CFH: variants seen among roughly 807,000 people sequenced by gnomAD.
The protein encoded by CFH is H factor 1 (complement).
In CFH, 53 loss-of-function variants were observed where a neutral mutation model predicts 147.3. That is an observed-to-expected ratio of 0.36 (90% confidence interval 0.29 to 0.45). The LOEUF is 0.45. Ranked by LOEUF, CFH falls within the 20% of genes least tolerant of loss-of-function variation. CFH has a pLI of 1.00. For missense variants in CFH, 1,380 were observed against 1,498.0 expected, an observed-to-expected ratio of 0.92 and a Z score of 1.30; for synonymous variants, 536 against 489.4, an observed-to-expected ratio of 1.10 and a Z score of -1.26.
intron 12 of CFH, 120 bp downstream of exon 12, chr1:196,725,417 G>T: frequency 4.3e-6 from 4 of 928,224 alleles, no homozygotes; most frequent in Non-Finnish European, 6.9e-6. Context: ...TCAAATATTT[G>T]CCTGTGAAGG....
chr1:196,713,960 A>T, intron 10 of CFH, 43 bp downstream of exon 10: 1 of 1,545,410 alleles, frequency 6.5e-7, no homozygotes, highest in Non-Finnish European at 8.9e-7. Flanking sequence ...CAGATGATAC[A>T]CAAAAGTTTA....
At position 196,725,192 on chromosome 1, in the gene CFH, G is replaced by A; in HGVS notation, c.1768G>A (p.Gly590Arg). The change falls in exon 12 of 22, where the codon GGA becomes AGA. Residue 590 changes from glycine to arginine, a missense_variant. Gly to Arg is a moderately radical substitution (Grantham distance 125). Coordinates refer to ENST00000367429, the MANE Select transcript of CFH (RefSeq NM_000186.4). Reference protein sequence around the residue: ...PDRKKDQYKVGEVLKFSCKPG... With the variant: ...PDRKKDQYKVREVLKFSCKPG... ...TCGCAAGAAAGACCAGTATAAAGTT[G>A]GAGAGGTGTTGAAATTCTCCTGCAA... The A allele has an allele frequency of 6.2e-7, 1 of 1,613,824 alleles. No individual in the cohort carries two copies. Among genetic ancestry groups the A allele is most frequent in the Non-Finnish European group, 8.5e-7 (1 of 1,179,792 alleles).
intron 15 of CFH, among the ~76,000 whole-genome samples, chr1:196,732,076 TGTATC>T (rs1339786853): frequency 3.9e-5 from 6 of 152,098 alleles, no homozygotes; most frequent in Non-Finnish European, 8.8e-5. Flanking sequence ...ATATATTTTC[TGTATC>T]GTTGTGTTTC....
chr1:196,691,222 A>G (rs1414394477), intron 9 of CFH, among the ~76,000 whole-genome samples: 1 of 152,130 alleles, frequency 6.6e-6, no homozygotes, highest in Non-Finnish European at 1.5e-5. Context: ...TTTAAAATAG[A>G]AAGTAAATAC....
intron 17 of CFH, among the ~76,000 whole-genome samples, chr1:196,739,815 T>C (rs1249952641): frequency 6.6e-6 from 1 of 152,208 alleles, no homozygotes; most frequent in Non-Finnish European, 1.5e-5. Flanking sequence ...CCCTACTCTC[T>C]GCAGTACCAA....
rs146095936 is a variant in CFH, at chr1:196,687,217, A to G, written c.964+1980A>G. ...TTTAAGATCTGTTTGAGCCAACTTT[A>G]TGATGGAAACACCATAAATGCTGTG... On this transcript the variant is annotated intron_variant, in intron 7 of 21. Transcript: ENST00000367429. Among the ~76,000 whole-genome samples, 212 of 152,198 alleles carry G rather than the reference A, an allele frequency of 1.4e-3. 1 individual carries two copies. Among genetic ancestry groups the G allele is most frequent in the African/African-American group, 4.9e-3 (204 of 41,562 alleles).
intron 15 of CFH, among the ~76,000 whole-genome samples, chr1:196,730,696 T>C (rs541142790): frequency 6.6e-6 from 1 of 151,966 alleles, no homozygotes; most frequent in South Asian, 2.1e-4. Flanking sequence ...CTACTATTAC[T>C]GTGTTGCAGT....
At chr1:196,705,003 C>T (rs1040186398) in intron 9 of CFH, among the ~76,000 whole-genome samples, 1 of 152,188 alleles carries the variant, frequency 6.6e-6, no homozygotes, top group African/African-American at 2.4e-5. Context: ...AAGACTCTGA[C>T]ACTAAAGCTA....
chr1:196,692,802 C>CTT (rs775578724), intron 9 of CFH, among the ~76,000 whole-genome samples: 33 of 50,790 alleles, frequency 6.5e-4, no homozygotes, highest in South Asian at 1.4e-3. Context: ...TTCTTTCTTT[C>CTT]TTTCTTTCTT....
At chr1:196,654,468 G>T (rs1018992222) in intron 1 of CFH, among the ~76,000 whole-genome samples, 3 of 152,068 alleles carry the variant, frequency 2.0e-5, no homozygotes, top group African/African-American at 7.2e-5. Context: ...GGGGGTCACT[G>T]CAGGCTACTA....
In CFH at chr1:196,655,560, A is replaced by C. The variant is rs140194005; in HGVS notation, c.58+3385A>C. 2.8e-3 allele frequency among the ~76,000 whole-genome samples: 434 copies of C among 152,282 alleles called. 2 individuals are homozygous for C. Among genetic ancestry groups the C allele is most frequent in the African/African-American group, 1.0e-2 (415 of 41,550 alleles). On this transcript the variant is annotated intron_variant, in intron 1 of 21. Coordinates refer to ENST00000367429, the MANE Select transcript of CFH (RefSeq NM_000186.4). ...CTTCATGTGTGGCCTTTGGTTTCTA[A>C]GATCTGAGCCAGTCTACATTGACCC...
intron 6 of CFH, among the ~76,000 whole-genome samples, chr1:196,680,277 T>C (rs933595991): frequency 3.4e-5 from 5 of 147,194 alleles, no homozygotes; most frequent in Non-Finnish European, 7.4e-5. Context: ...AGGCCCAGTA[T>C]GACTCAACGG....
intron 9 of CFH, among the ~76,000 whole-genome samples, chr1:196,704,627 A>G (rs996658670): frequency 6.6e-6 from 1 of 152,226 alleles, no homozygotes; most frequent in African/African-American, 2.4e-5. Flanking sequence ...CTCCAGTACA[A>G]GTCAAGTTTT....
chr1:196,714,639 A>ATATG (rs1668808443), intron 10 of CFH, among the ~76,000 whole-genome samples: 23 of 21,398 alleles, frequency 1.1e-3, no homozygotes, highest in African/African-American at 5.2e-3. Flanking sequence ...ATATATGTAT[A>ATATG]TATATATATA....
intron 15 of CFH, among the ~76,000 whole-genome samples, chr1:196,734,949 G>A (rs1401900106): frequency 6.6e-6 from 1 of 151,814 alleles, no homozygotes; most frequent in Non-Finnish European, 1.5e-5. Context: ...TCTTCCTTCT[G>A]ATGACTTCAG....
chr1:196,737,647 A>T lies in CFH; in HGVS notation c.2769A>T (p.Pro923=), dbSNP rs758613790. The change falls in exon 17 of 22, where the codon CCA becomes CCT. Residue 923 remains proline, a synonymous_variant. Transcript: ENST00000367429. The stretch of plus-strand genomic sequence containing the variant: ...GCTACATGGGAAAATGGAGTTCTCC[A>T]CCTCAGTGTGAAGGTTAGGCCAATA... ...TTCYMGKWSS[P]PQCEGLPCKS... 6.2e-7 allele frequency: 1 copy of T among 1,613,326 alleles called. No individual in the cohort carries two copies. Among genetic ancestry groups the T allele is most frequent in the South Asian group, 1.1e-5 (1 of 91,054 alleles).
At position 196,668,218 on chromosome 1, in the gene CFH, C is replaced by G. The variant is rs181230681; in HGVS notation, c.59-4760C>G. Among the ~76,000 whole-genome samples the G allele has an allele frequency of 2.1e-3, 323 of 152,118 alleles. 4 individuals are homozygous for G. Among genetic ancestry groups the G allele is most frequent in the African/African-American group, 7.2e-3 (300 of 41,510 alleles). ...GATCAGTTTCCTTCAGCCCAGAGAA[C>G]TTTTTTAGTATTTTTCTATAGTTGA... On this transcript the variant is annotated intron_variant, in intron 1 of 21. Transcript: ENST00000367429.
At chr1:196,690,407 A>C (rs1214942446) in intron 9 of CFH, 168 bp downstream of exon 9, 6 of 893,574 alleles carry the variant, frequency 6.7e-6, no homozygotes, top group Non-Finnish European at 1.1e-5. Flanking sequence ...TGAATATACA[A>C]ATTTCTTGAT....
intron 19 of CFH, 78 bp downstream of exon 19, chr1:196,742,129 C>T: frequency 1.4e-6 from 2 of 1,399,876 alleles, no homozygotes; most frequent in Non-Finnish European, 2.0e-6. Flanking sequence ...AATCCCAGCA[C>T]TTTGGGAGGC....
Sources: gnomAD v4.1 joint callset for allele counts (sites outside exome capture counted in the v4.1 genomes callset) on GRCh38, gnomAD v4.1.1 for gene constraint, MANE v1.5 for transcripts, NCBI Gene and HGNC (gene_info 2026-07-23, HGNC 2026-07-21) for gene names.